The following KHDRBS2 variants were observed in gnomAD, a reference collection of about 807,000 sequenced individuals.
KHDRBS2 encodes the protein KH RNA binding domain containing, signal transduction associated 2.
KHDRBS2 carries 26 observed loss-of-function variants against 44.3 expected under a neutral mutation model. That is an observed-to-expected ratio of 0.59 (90% CI 0.43 to 0.81). The LOEUF (loss-of-function observed/expected upper bound fraction) is 0.81, where lower values mean the gene tolerates loss of function less well. Among genes scored for constraint, KHDRBS2 ranks in the 40% least tolerant of loss-of-function variants. The pLI is 0.00. For missense variants in KHDRBS2, 476 were observed against 433.1 expected, an observed-to-expected ratio of 1.10 and a Z score of -0.88; for synonymous variants, 194 against 151.1, an observed-to-expected ratio of 1.28 and a Z score of -2.08.
chr6:62,071,023 A>G (rs1419838577), intron 2 of KHDRBS2, among the ~76,000 whole-genome samples: 1 of 152,074 alleles, frequency 6.6e-6, no homozygotes, highest in Non-Finnish European at 1.5e-5. Flanking sequence ...ATTTTTAATG[A>G]TCGCCATTTA....
the KHDRBS2 span, among the ~76,000 whole-genome samples, chr6:61,616,502 G>T: frequency 1.4e-5 from 2 of 145,982 alleles, no homozygotes; most frequent in African/African-American, 5.1e-5. Context: ...TATATATAAT[G>T]CTATTGCTTT....
At chr6:61,799,233 A>G (rs1785867010) in intron 6 of KHDRBS2, among the ~76,000 whole-genome samples, 1 of 152,050 alleles carries the variant, frequency 6.6e-6, no homozygotes, top group Admixed American at 6.6e-5. Context: ...GATATAAGCT[A>G]CATAAGCGCC....
chr6:61,552,031 G>C, the KHDRBS2 span, among the ~76,000 whole-genome samples: 416 of 151,604 alleles, frequency 2.7e-3, 2 homozygotes, highest in African/African-American at 9.6e-3. Context: ...TACTGAAGTT[G>C]TTTATCAGCT....
chr6:61,814,405 G>A (rs868266704), intron 6 of KHDRBS2, among the ~76,000 whole-genome samples: 7 of 152,176 alleles, frequency 4.6e-5, no homozygotes, highest in African/African-American at 9.6e-5. Flanking sequence ...TCAGGAGATC[G>A]AGACCATCCT....
intron 2 of KHDRBS2, among the ~76,000 whole-genome samples, chr6:62,100,348 A>G (rs987677263): frequency 6.6e-6 from 1 of 152,232 alleles, no homozygotes; most frequent in Admixed American, 6.5e-5. Context: ...TTCTGTGAAC[A>G]TTGTTGAAAT....
chr6:62,140,541 T>A (rs1438727929), intron 2 of KHDRBS2, among the ~76,000 whole-genome samples: 3 of 152,208 alleles, frequency 2.0e-5, no homozygotes, highest in Non-Finnish European at 4.4e-5. Flanking sequence ...TTAAAATCCA[T>A]TAATGAGTCT....
At chr6:62,203,690 T>C (rs1341313626) in intron 1 of KHDRBS2, among the ~76,000 whole-genome samples, 1 of 152,062 alleles carries the variant, frequency 6.6e-6, no homozygotes, top group East Asian at 1.9e-4. Flanking sequence ...TAAAAGACTT[T>C]ATATAAAAGT....
chr6:61,921,791 T>C (rs1808111722), intron 4 of KHDRBS2, among the ~76,000 whole-genome samples: 1 of 152,060 alleles, frequency 6.6e-6, no homozygotes, highest in South Asian at 2.1e-4. Context: ...ATTATCATTC[T>C]ATTACATGGT....
At chr6:61,670,742 A>G in the KHDRBS2 span, among the ~76,000 whole-genome samples, 2 of 151,528 alleles carry the variant, frequency 1.3e-5, no homozygotes, top group South Asian at 4.1e-4. Context: ...TCATCCTCTT[A>G]TACTTTATAG....
chr6:61,843,190 C>T (rs966438514), intron 6 of KHDRBS2, among the ~76,000 whole-genome samples: 25 of 151,690 alleles, frequency 1.6e-4, no homozygotes, highest in Admixed American at 1.4e-3. Context: ...AGGAATGGGA[C>T]GTGACTGCTA....
At chr6:61,613,791 C>T in the KHDRBS2 span, among the ~76,000 whole-genome samples, 1 of 51,728 alleles carries the variant, frequency 1.9e-5, no homozygotes, top group Non-Finnish European at 5.1e-5. Context: ...AGATGTTTGG[C>T]ATTCTACAGC....
intron 6 of KHDRBS2, among the ~76,000 whole-genome samples, chr6:61,889,916 T>G (rs1801561319): frequency 6.6e-6 from 1 of 152,170 alleles, no homozygotes; most frequent in South Asian, 2.1e-4. Flanking sequence ...AGGGATATTG[T>G]TTACAGAAGC....
chr6:62,161,498 G>C (rs974453128), intron 2 of KHDRBS2, among the ~76,000 whole-genome samples: 1 of 136,288 alleles, frequency 7.3e-6, no homozygotes, highest in East Asian at 2.3e-4. Flanking sequence ...GTATATGTGA[G>C]AATTGCATAG....
rs187743566 is a variant in KHDRBS2 at position 61,883,618 on chromosome 6, G to A, written c.810+11017C>T. On this transcript the variant is annotated intron_variant, in intron 6 of 8. Coordinates refer to ENST00000281156, the MANE Select transcript of KHDRBS2 (RefSeq NM_152688.4). ...GAGAAGAATATACACAATTTTAAAA[G>A]GTGACATCTTACATAACTATGGGAA... 3.2e-4 allele frequency among the ~76,000 whole-genome samples: 48 copies of A among 152,032 alleles called. No individual in the cohort carries two copies. In the East Asian group the frequency reaches 8.9e-3, roughly 28 times the overall value.
intron 6 of KHDRBS2, among the ~76,000 whole-genome samples, chr6:61,792,424 C>T (rs1465230023): frequency 6.6e-6 from 1 of 151,684 alleles, no homozygotes; most frequent in Middle Eastern, 3.4e-3. Context: ...CACTTGATAT[C>T]ACTTTTCTTT....
chr6:62,118,146 T>C (rs1806734307), intron 2 of KHDRBS2, among the ~76,000 whole-genome samples: 1 of 152,216 alleles, frequency 6.6e-6, no homozygotes. Flanking sequence ...TTATCCAGTT[T>C]TCCAAGTACC....
At chr6:61,676,454 G>T (rs1765947862), downstream of KHDRBS2, among the ~76,000 whole-genome samples, 1 of 151,712 alleles carries the variant, frequency 6.6e-6, no homozygotes, top group South Asian at 2.1e-4. Context: ...TCCTGGCTTG[G>T]ATTTAAGTTC....
intron 2 of KHDRBS2, among the ~76,000 whole-genome samples, chr6:62,050,972 G>T (rs1036300802): frequency 3.3e-5 from 5 of 151,974 alleles, no homozygotes; most frequent in African/African-American, 1.2e-4. Flanking sequence ...CAACAACCTG[G>T]ATGTATCTAA....
chr6:61,757,802 C>T (rs1311105905), intron 6 of KHDRBS2, among the ~76,000 whole-genome samples: 1 of 152,078 alleles, frequency 6.6e-6, no homozygotes, highest in South Asian at 2.1e-4. Context: ...CTCATTGTTT[C>T]TTACTACTTA....
Sources: allele counts gnomAD v4.1 joint callset (sites outside exome capture counted in the v4.1 genomes callset), GRCh38; gene constraint gnomAD v4.1.1; transcripts MANE v1.5; gene names NCBI Gene and HGNC (gene_info 2026-07-23, HGNC 2026-07-21).